The following SPRED1 variants were observed in gnomAD, a reference collection of about 807,000 sequenced individuals.
SPRED1 encodes the protein sprouty-related, EVH1 domain-containing protein 1.
In SPRED1, 18 loss-of-function variants were observed where a neutral mutation model predicts 52.3. The ratio of observed to expected loss-of-function variants is 0.34; its 90% CI spans 0.24 to 0.51. SPRED1 has a LOEUF of 0.51. Among genes scored for constraint, SPRED1 ranks in the 20% least tolerant of loss-of-function variants. The probability of loss-of-function intolerance (pLI) is 0.97; values close to 1 mark genes in which losing one functional copy is unlikely to be tolerated. For synonymous variants in SPRED1, 155 were observed against 179.7 expected (o/e 0.86, Z 1.10); for missense variants, 485 against 551.0 (o/e 0.88, Z 1.20).
intron 1 of SPRED1, among the ~76,000 whole-genome samples, chr15:38,269,524 GGT>G (rs1894385957): frequency 6.6e-6 from 1 of 152,204 alleles, no homozygotes; most frequent in African/African-American, 2.4e-5. Context: ...TGAGATCACA[GGT>G]GTGAGCCACC....
chr15:38,252,954 A>G lies in SPRED1; in HGVS notation c.-232A>G, dbSNP rs1378265646. The G allele has an allele frequency of 6.8e-6, 4 of 589,134 alleles. No individual in the cohort carries two copies. Among genetic ancestry groups the G allele is most frequent in the African/African-American group, 1.9e-5 (1 of 53,272 alleles). The allele number at this position is 589,134 out of a possible 1,614,324, so 36.5% of individuals were successfully genotyped here. Reference sequence around the variant, plus strand: ...CTTGGCTGGGCACTGAGGCGGGGGAAGAGGCTGGGGTCGCCACGGCGGAGG... The same window carrying G: ...CTTGGCTGGGCACTGAGGCGGGGGAGGAGGCTGGGGTCGCCACGGCGGAGG... On this transcript the variant is annotated 5_prime_UTR_variant, in exon 1 of 7. Transcript: ENST00000299084.
intron 4 of SPRED1, among the ~76,000 whole-genome samples, chr15:38,328,573 T>A (rs1283520699): frequency 1.3e-5 from 2 of 152,244 alleles, no homozygotes; most frequent in African/African-American, 2.4e-5. Flanking sequence ...ATAGTGCTAA[T>A]CACATACATA....
intron 4 of SPRED1, among the ~76,000 whole-genome samples, chr15:38,329,613 A>T (rs1449354343): frequency 6.6e-6 from 1 of 152,142 alleles, no homozygotes. Flanking sequence ...AGAGCAAAAA[A>T]ATTCTCTGTA....
Position 38,339,208 on chromosome 15 carries a change from A to C in SPRED1, c.424-529A>C, listed in dbSNP as rs150533755. Among the ~76,000 whole-genome samples the C allele has an allele frequency of 2.6e-3, 391 of 152,242 alleles. 13 individuals carry two copies. In the East Asian group the frequency reaches 0.066, roughly 26 times the overall value. ...TGAGCATATCTCCCAACCTAAGTCT[A>C]ATAAGAGTACATGATTTAAATTCTA... is the stretch of plus-strand genomic sequence containing the variant. On this transcript the variant is annotated intron_variant, in intron 4 of 6. Transcript: ENST00000299084.
Position 38,252,891 on chromosome 15 carries a change from CCT to C in SPRED1, c.-290_-289del, listed in dbSNP as rs1048605006. On this transcript the variant is annotated 5_prime_UTR_variant, in exon 1 of 7. Coordinates refer to ENST00000299084, the MANE Select transcript of SPRED1 (RefSeq NM_152594.3). ...AGCTCTCCAGTCAGCCTTTGCAGCC[CCT>C]CTCTTTTTCCCTTTCCACCGGGCCT... 5.8e-6 allele frequency: 3 copies of C among 520,774 alleles called. No homozygotes were observed. The highest frequency in any genetic ancestry group is 3.9e-5 in the African/African-American group (2 of 51,412). The allele number at this position is 520,774 out of a possible 1,614,324, so 32.3% of individuals were successfully genotyped here. A position where few individuals can be genotyped will look rare whatever the true frequency, so the allele number is the denominator to read the frequency against.
At chr15:38,277,107 T>C (rs1894572321) in intron 1 of SPRED1, among the ~76,000 whole-genome samples, 1 of 152,192 alleles carries the variant, frequency 6.6e-6, no homozygotes, top group African/African-American at 2.4e-5. Flanking sequence ...TTATTAAAAT[T>C]TCTTGTGTCA....
intron 1 of SPRED1, among the ~76,000 whole-genome samples, chr15:38,255,113 T>A (rs1894066597): frequency 1.3e-5 from 2 of 152,330 alleles, no homozygotes; most frequent in African/African-American, 4.8e-5. Flanking sequence ...GCCATTTTTT[T>A]AAATACTTGC....
chr15:38,351,675 T>G lies in SPRED1; in HGVS notation c.*11T>G, dbSNP rs1379934822. The G allele has an allele frequency of 3.7e-6, 6 of 1,609,850 alleles. No individual in the cohort carries two copies. The South Asian group carries it at 6.6e-5, about 18-fold the overall frequency. ...AAAGCTGCTGGATGAAATGGTCCAG[T>G]GCCAAAATGAGCTTAAAATCTTTGT... On this transcript the variant is annotated 3_prime_UTR_variant, in exon 7 of 7. Coordinates refer to ENST00000299084, the MANE Select transcript of SPRED1 (RefSeq NM_152594.3).
intron 4 of SPRED1, among the ~76,000 whole-genome samples, chr15:38,328,675 G>GT (rs1033761048): frequency 6.6e-6 from 1 of 151,966 alleles, no homozygotes; most frequent in Non-Finnish European, 1.5e-5. Flanking sequence ...TTTTCATTTG[G>GT]TTTCTTTTCT....
Position 38,353,076 on chromosome 15 carries a change from C to T in SPRED1, c.*1412C>T, listed in dbSNP as rs1473582951. 1 of 152,130 alleles carries T rather than the reference C, an allele frequency of 6.6e-6. No homozygotes were observed. Among genetic ancestry groups the T allele is most frequent in the Non-Finnish European group, 1.5e-5 (1 of 67,846 alleles). The allele number at this position is 152,130 out of a possible 1,614,324, so 9.4% of individuals were successfully genotyped here. A position where few individuals can be genotyped will look rare whatever the true frequency, so the allele number is the denominator to read the frequency against. On this transcript the variant is annotated 3_prime_UTR_variant, in exon 7 of 7. Transcript: ENST00000299084. ...TGTTTTCTTAAGTGTTACATTAAAA[C>T]TCTAACCAAGGAAAGGGTTCTTTAA...
At chr15:38,256,994 C>T (rs1349954218) in intron 1 of SPRED1, among the ~76,000 whole-genome samples, 1 of 152,110 alleles carries the variant, frequency 6.6e-6, no homozygotes, top group East Asian at 1.9e-4. Flanking sequence ...TGACTGCATA[C>T]TTGCTTCAAC....
At chr15:38,301,552 G>C (rs1439899233) in intron 2 of SPRED1, among the ~76,000 whole-genome samples, 1 of 152,094 alleles carries the variant, frequency 6.6e-6, no homozygotes, top group African/African-American at 2.4e-5. Flanking sequence ...TAGCATTCTA[G>C]GTAGGTTATG....
chr15:38,281,995 AT>A (rs1273611598), intron 1 of SPRED1, among the ~76,000 whole-genome samples: 1 of 152,030 alleles, frequency 6.6e-6, no homozygotes, highest in East Asian at 1.9e-4. Context: ...TTTTGTGGTT[AT>A]TTATCTATGG....
At chr15:38,277,579 A>G (rs1201836665) in intron 1 of SPRED1, among the ~76,000 whole-genome samples, 1 of 152,218 alleles carries the variant, frequency 6.6e-6, no homozygotes, top group Non-Finnish European at 1.5e-5. Context: ...TGTGATGAAC[A>G]TACATGTGCA....
rs1888534132 is a variant in SPRED1, at chr15:38,353,240, T to C, written c.*1576T>C. The C allele has an allele frequency of 6.6e-6, 1 of 152,532 alleles. No homozygotes were observed. Among genetic ancestry groups the C allele is most frequent in the South Asian group, 2.1e-4 (1 of 4,830 alleles). 9.4% of individuals were successfully genotyped at this position (152,532 alleles called of 1,614,324 possible). On this transcript the variant is annotated 3_prime_UTR_variant, in exon 7 of 7. Coordinates refer to ENST00000299084, the MANE Select transcript of SPRED1 (RefSeq NM_152594.3). ...CAGGTTTTTAAACGTCATTTATGTA[T>C]CATTCTTTTTATATATCACACTTAA...
chr15:38,311,099 A>T (rs1895358109), intron 2 of SPRED1, among the ~76,000 whole-genome samples: 1 of 152,116 alleles, frequency 6.6e-6, no homozygotes, highest in Non-Finnish European at 1.5e-5. Flanking sequence ...GGCATTTTTT[A>T]TCAAATTGAG....
At chr15:38,326,538 G>T (rs1194427100) in intron 4 of SPRED1, among the ~76,000 whole-genome samples, 1 of 152,174 alleles carries the variant, frequency 6.6e-6, no homozygotes, top group Non-Finnish European at 1.5e-5. Flanking sequence ...GAGGATTTAA[G>T]ATGAACCTCA....
At chr15:38,330,999 G>A (rs913659601) in intron 4 of SPRED1, among the ~76,000 whole-genome samples, 2 of 152,030 alleles carry the variant, frequency 1.3e-5, no homozygotes, top group Non-Finnish European at 2.9e-5. Context: ...CTGGCCTTAT[G>A]TTCTGATCAA....
At chr15:38,350,542 C>G (rs1888459116) in intron 6 of SPRED1, among the ~76,000 whole-genome samples, 1 of 152,142 alleles carries the variant, frequency 6.6e-6, no homozygotes, top group African/African-American at 2.4e-5. Context: ...TTCTCACTTG[C>G]AAAATACATT....
Sources: gnomAD v4.1 joint callset for allele counts (sites outside exome capture counted in the v4.1 genomes callset) on GRCh38, gnomAD v4.1.1 for gene constraint, MANE v1.5 for transcripts, NCBI Gene and HGNC (gene_info 2026-07-23, HGNC 2026-07-21) for gene names.